ANO5: variants seen among roughly 807,000 people sequenced by gnomAD.
The protein encoded by ANO5 is anoctamin 5, also known as anoctamin-5.
In ANO5, 109 loss-of-function variants were observed where a neutral mutation model predicts 121.0. That is an observed-to-expected ratio of 0.90 (90% CI 0.77 to 1.06). ANO5 has a LOEUF of 1.06. Among genes scored for constraint, ANO5 ranks in the 50% least tolerant of loss-of-function variants. The pLI, the probability that ANO5 is intolerant of heterozygous loss-of-function variation, is 0.00. For missense variants in ANO5, 1,064 were observed against 1,078.5 expected (o/e 0.99, Z 0.19); for synonymous variants, 406 against 359.9 (o/e 1.13, Z -1.45).
rs1554921292 is a variant in ANO5, at chr11:22,213,891, T to TTTG, written c.138+2579_138+2580insGTT. ...TTGGCTATTGGAAGTGGTGTTTTGT[T>TTTG]TTTTGTTTTGTTTTGTTTTGTTTTG... On this transcript the variant is annotated intron_variant, in intron 3 of 21. Coordinates refer to ENST00000324559, the MANE Select transcript of ANO5 (RefSeq NM_213599.3). 6.1e-4 allele frequency among the ~76,000 whole-genome samples: 90 copies of TTTG among 148,488 alleles called. 1 individual carries two copies. The highest frequency in any genetic ancestry group is 2.3e-3 in the African/African-American group (89 of 38,914).
chr11:22,274,819 T>G (rs1854773149), intron 20 of ANO5, 72 bp downstream of exon 20: 2 of 1,533,230 alleles, frequency 1.3e-6, no homozygotes, highest in Non-Finnish European at 1.8e-6. Context: ...ATCTATTACC[T>G]TTCTGTCTTA....
chr11:22,192,994 G>A, upstream of ANO5: 1 of 985,318 alleles, frequency 1.0e-6, no homozygotes, highest in Non-Finnish European at 1.2e-6. Flanking sequence ...AGGGTGGGGC[G>A]CCGGCCGGTC....
At chr11:22,218,602 C>T (rs528526009) in intron 4 of ANO5, among the ~76,000 whole-genome samples, 48 of 152,132 alleles carry the variant, frequency 3.2e-4, no homozygotes, top group African/African-American at 1.1e-3. Context: ...ACTCTGTCGC[C>T]CAGGCTGGAG....
At chr11:22,210,599 G>A (rs897906543) in intron 2 of ANO5, among the ~76,000 whole-genome samples, 1 of 151,852 alleles carries the variant, frequency 6.6e-6, no homozygotes, top group African/African-American at 2.4e-5. Context: ...AAGTCATTGG[G>A]TGTTATCTCA....
chr11:22,272,987 A>G lies in ANO5; in HGVS notation c.2233A>G (p.Asn745Asp). ...YGMAVLSVATNAFIVAFTSDI... is the reference protein window; with the variant it reads ...YGMAVLSVATDAFIVAFTSDI... ...AATGGCTGTCCTTTCTGTTGCAACT[A>G]ATGTAAGTGGACCTATTTCGGTGGG... The change falls in exon 19 of 22, where the codon AAT becomes GAT. Residue 745 changes from asparagine (N) to aspartate (D), a missense_variant and splice_region_variant. Asn to Asp is a conservative substitution (Grantham distance 23). Coordinates refer to ENST00000324559, the MANE Select transcript of ANO5 (RefSeq NM_213599.3). 1.2e-6 allele frequency: 2 copies of G among 1,613,562 alleles called. No homozygotes were observed. The highest frequency in any genetic ancestry group is 1.7e-6 in the Non-Finnish European group (2 of 1,179,668).
intron 3 of ANO5, among the ~76,000 whole-genome samples, chr11:22,216,243 A>T (rs1590230185): frequency 2.0e-5 from 3 of 152,008 alleles, no homozygotes; most frequent in African/African-American, 2.4e-5. Context: ...ATATAGGTGT[A>T]ACTTTATGTA....
At chr11:22,216,265 C>A (rs1198381025) in intron 3 of ANO5, among the ~76,000 whole-genome samples, 1 of 151,832 alleles carries the variant, frequency 6.6e-6, no homozygotes, top group Non-Finnish European at 1.5e-5. Flanking sequence ...AACTGTCACA[C>A]TATTTTTAAA....
At chr11:22,275,202 T>G (rs547294238) in intron 20 of ANO5, among the ~76,000 whole-genome samples, 5 of 151,990 alleles carry the variant, frequency 3.3e-5, no homozygotes, top group African/African-American at 9.6e-5. Flanking sequence ...CCTATCCTAC[T>G]AAAAGGTTTT....
intron 9 of ANO5, among the ~76,000 whole-genome samples, chr11:22,241,070 T>C (rs1293000422): frequency 6.6e-6 from 1 of 151,800 alleles, no homozygotes; most frequent in Non-Finnish European, 1.5e-5. Flanking sequence ...TACATGCATG[T>C]TTTTTGTGTG....
chr11:22,198,642 A>T (rs557727725), intron 1 of ANO5, among the ~76,000 whole-genome samples: 6 of 152,332 alleles, frequency 3.9e-5, no homozygotes, highest in East Asian at 1.9e-4. Context: ...TAAAAATAGA[A>T]TTGTAAAACT....
chr11:22,265,660 A>T (rs1302693058), intron 17 of ANO5, among the ~76,000 whole-genome samples: 1 of 152,150 alleles, frequency 6.6e-6, no homozygotes, highest in East Asian at 1.9e-4. Context: ...GTGGTCAATT[A>T]TCCCCAAATT....
intron 2 of ANO5, among the ~76,000 whole-genome samples, chr11:22,204,140 C>T (rs939691052): frequency 6.6e-6 from 1 of 152,036 alleles, no homozygotes; most frequent in Non-Finnish European, 1.5e-5. Flanking sequence ...TTTGGCTTAA[C>T]ATTTTGCTAT....
In ANO5 at chr11:22,196,864, T is replaced by C. The variant is rs145233913; in HGVS notation, c.40+3332T>C. Among the ~76,000 whole-genome samples the C allele has an allele frequency of 5.5e-3, 842 of 151,972 alleles. 4 individuals are homozygous for C. Among genetic ancestry groups the C allele is most frequent in the African/African-American group, 0.018 (760 of 41,476 alleles). ...AGCCTGGTGACAGAGTGAGACTCCG[T>C]CTCAAATAAATAAATAAATAAAATA... On this transcript the variant is annotated intron_variant, in intron 1 of 21. Coordinates refer to ENST00000324559, the MANE Select transcript of ANO5 (RefSeq NM_213599.3).
At chr11:22,279,470 T>C (rs959807126) in intron 21 of ANO5, 74 bp from the exon 22 acceptor site, 3 of 1,273,632 alleles carry the variant, frequency 2.4e-6, no homozygotes, top group African/African-American at 1.5e-5. Flanking sequence ...ATAAGTGAAA[T>C]GATTTGTAAA....
At position 22,250,385 on chromosome 11, in the gene ANO5, A is replaced by T; in HGVS notation, c.1013+14A>T. ...TAACACAAGCAGGTAAGTGCACCTGAGTTGCCCAGATAGAGAAAACATCTT... is the reference window on the plus strand; with the variant it reads ...TAACACAAGCAGGTAAGTGCACCTGTGTTGCCCAGATAGAGAAAACATCTT... On this transcript the variant is annotated intron_variant, in intron 10 of 21. Coordinates refer to ENST00000324559, the MANE Select transcript of ANO5 (RefSeq NM_213599.3). The T allele has an allele frequency of 1.2e-6, 2 of 1,613,308 alleles. No homozygotes were observed. The highest frequency in any genetic ancestry group is 1.7e-6 in the Non-Finnish European group (2 of 1,179,612).
intron 9 of ANO5, among the ~76,000 whole-genome samples, chr11:22,240,809 A>AT (rs1491427624): frequency 1.5e-4 from 3 of 20,406 alleles, no homozygotes; most frequent in East Asian, 9.2e-4. Flanking sequence ...AAGCAGAAAC[A>AT]TTTTTTTTTC....
chr11:22,206,045 G>A (rs988606675), intron 2 of ANO5, among the ~76,000 whole-genome samples: 1 of 151,844 alleles, frequency 6.6e-6, no homozygotes, highest in African/African-American at 2.4e-5. Context: ...GTTTAAAGAA[G>A]AATTAACATT....
upstream of ANO5, chr11:22,192,910 G>C: frequency 1.1e-6 from 1 of 914,552 alleles, no homozygotes; most frequent in Non-Finnish European, 1.3e-6. Flanking sequence ...AGGGACCTGG[G>C]GACGGCTTGA....
Position 22,210,592 on chromosome 11 carries a change from T to C in ANO5, c.88-672T>C, listed in dbSNP as rs115562068. 8.6e-3 allele frequency among the ~76,000 whole-genome samples: 1,308 copies of C among 151,986 alleles called. 26 individuals carry two copies. The highest frequency in any genetic ancestry group is 0.03 in the African/African-American group (1,233 of 41,524). Reference sequence around the variant, plus strand: ...CCTGTCACTAGAGACTGCTGAGAAGTCATTGGGTGTTATCTCAGGTCTGTG... The same window carrying C: ...CCTGTCACTAGAGACTGCTGAGAAGCCATTGGGTGTTATCTCAGGTCTGTG... On this transcript the variant is annotated intron_variant, in intron 2 of 21. Transcript: ENST00000324559.
Sources: gnomAD v4.1 joint callset for allele counts (sites outside exome capture counted in the v4.1 genomes callset) on GRCh38, gnomAD v4.1.1 for gene constraint, MANE v1.5 for transcripts, NCBI Gene and HGNC (gene_info 2026-07-23, HGNC 2026-07-21) for gene names.